Variants in GLRB observed in about 807,000 individuals in gnomAD.
GLRB encodes the protein glycine receptor beta.
A neutral mutation model predicts 54.2 loss-of-function variants in GLRB; 33 were observed. The ratio of observed to expected loss-of-function variants is 0.61; its 90% CI spans 0.46 to 0.81. The LOEUF is 0.81. Among genes scored for constraint, GLRB ranks in the 40% least tolerant of loss-of-function variants. The pLI, the probability that GLRB is intolerant of heterozygous loss-of-function variation, is 0.00. For synonymous variants in GLRB, 209 were observed against 208.2 expected, an observed-to-expected ratio of 1.00 and a Z score of -0.03; for missense variants, 572 against 584.6, an observed-to-expected ratio of 0.98 and a Z score of 0.22.
At chr4:157,169,949 C>A (rs1280367749) in intron 9 of GLRB, among the ~76,000 whole-genome samples, 1 of 152,102 alleles carries the variant, frequency 6.6e-6, no homozygotes, top group Non-Finnish European at 1.5e-5. Flanking sequence ...TAGAGAAAGT[C>A]TGTCTCATTG....
intron 7 of GLRB, 32 bp from the exon 8 acceptor site, chr4:157,143,775 C>T: frequency 1.2e-6 from 2 of 1,602,052 alleles, no homozygotes; most frequent in East Asian, 2.2e-5. Context: ...TGGGTGAAAA[C>T]CTCATGCCTT....
At chr4:157,086,424 G>A (rs1734415233) in intron 2 of GLRB, among the ~76,000 whole-genome samples, 1 of 152,130 alleles carries the variant, frequency 6.6e-6, no homozygotes. Context: ...TAATCTCATG[G>A]TGAGTATATT....
chr4:157,148,810 C>T (rs1736910780), intron 8 of GLRB, among the ~76,000 whole-genome samples: 1 of 150,714 alleles, frequency 6.6e-6, no homozygotes, highest in Non-Finnish European at 1.5e-5. Context: ...GTGTATTAGT[C>T]ATTGTTTGTT....
chr4:157,119,371 C>A (rs1579213701), intron 2 of GLRB, among the ~76,000 whole-genome samples: 1 of 151,684 alleles, frequency 6.6e-6, no homozygotes, highest in East Asian at 2.0e-4. Context: ...AATTCTTAGA[C>A]CATCTCTCTG....
chr4:157,080,018 T>G (rs1436809071), intron 2 of GLRB, among the ~76,000 whole-genome samples: 1 of 152,112 alleles, frequency 6.6e-6, no homozygotes, highest in African/African-American at 2.4e-5. Flanking sequence ...CAAATTATTC[T>G]GAAGATGGCA....
At chr4:157,096,514 A>G (rs1734817222) in intron 2 of GLRB, among the ~76,000 whole-genome samples, 1 of 152,202 alleles carries the variant, frequency 6.6e-6, no homozygotes, top group Non-Finnish European at 1.5e-5. Context: ...TTTCCAAACA[A>G]TGGTCAAGAG....
In GLRB at chr4:157,103,145, G is replaced by A. The variant is rs147064275; in HGVS notation, c.123-17411G>A. Reference sequence around the variant, plus strand: ...AGTCTGGGCAAAAGAGAGAGACTCCGTCTCAAAAAAACAAAAAAAAAAAAA... The same window carrying A: ...AGTCTGGGCAAAAGAGAGAGACTCCATCTCAAAAAAACAAAAAAAAAAAAA... On this transcript the variant is annotated intron_variant, in intron 2 of 9. Coordinates refer to ENST00000264428, the MANE Select transcript of GLRB (RefSeq NM_000824.5). 8.6e-3 allele frequency among the ~76,000 whole-genome samples: 1,238 copies of A among 143,174 alleles called. 14 individuals are homozygous for A. The highest frequency in any genetic ancestry group is 0.03 in the African/African-American group (1,141 of 38,650). 93.9% of individuals were successfully genotyped at this position (143,174 alleles called of 152,430 possible). A position where few individuals can be genotyped will look rare whatever the true frequency, so the allele number is the denominator to read the frequency against.
intron 2 of GLRB, among the ~76,000 whole-genome samples, chr4:157,085,740 A>G (rs998749884): frequency 7.2e-5 from 11 of 151,738 alleles, no homozygotes; most frequent in South Asian, 4.2e-4. Context: ...CTCGTGATCC[A>G]CCCACCTCGG....
At chr4:157,120,051 C>T (rs1735749226) in intron 2 of GLRB, among the ~76,000 whole-genome samples, 1 of 151,440 alleles carries the variant, frequency 6.6e-6, no homozygotes, top group South Asian at 2.1e-4. Context: ...TGCTATGCAG[C>T]CATAAAAAAT....
chr4:157,098,174 A>G (rs1292207545), intron 2 of GLRB, among the ~76,000 whole-genome samples: 2 of 152,170 alleles, frequency 1.3e-5, no homozygotes, highest in Admixed American at 1.3e-4. Flanking sequence ...ACTCTTTTGT[A>G]TCTAGATTCC....
At chr4:157,143,131 T>C (rs1736678401) in intron 7 of GLRB, among the ~76,000 whole-genome samples, 1 of 152,088 alleles carries the variant, frequency 6.6e-6, no homozygotes. Context: ...CATGTGAAAA[T>C]GAAAGTTATT....
intron 7 of GLRB, among the ~76,000 whole-genome samples, chr4:157,143,010 C>T (rs942952894): frequency 5.3e-5 from 8 of 152,014 alleles, no homozygotes; most frequent in Non-Finnish European, 7.4e-5. Context: ...TTTCTCAAGG[C>T]GGCAAAGGCT....
chr4:157,138,992 A>T, intron 7 of GLRB, 43 bp downstream of exon 7: 2 of 1,083,366 alleles, frequency 1.8e-6, no homozygotes, highest in Non-Finnish European at 2.8e-6. Flanking sequence ...TATTTCAAAG[A>T]TACATTTTAA....
At chr4:157,168,115 ATTTT>A in intron 9 of GLRB, among the ~76,000 whole-genome samples, 1 of 145,262 alleles carries the variant, frequency 6.9e-6, no homozygotes, top group Admixed American at 6.9e-5. Context: ...ACCAGTTCCT[ATTTT>A]TTTTTTTTTG....
At chr4:157,093,375 A>G (rs754525673) in intron 2 of GLRB, among the ~76,000 whole-genome samples, 2 of 152,190 alleles carry the variant, frequency 1.3e-5, no homozygotes, top group African/African-American at 2.4e-5. Context: ...TTTCCTTTCC[A>G]TGCTGTATGT....
chr4:157,142,346 C>A (rs1284854798), intron 7 of GLRB, among the ~76,000 whole-genome samples: 1 of 151,994 alleles, frequency 6.6e-6, no homozygotes, highest in Non-Finnish European at 1.5e-5. Flanking sequence ...ACTTGCATTT[C>A]TTGTCTTTAA....
At position 157,152,740 on chromosome 4, in the gene GLRB, G is replaced by A. The variant is rs1737071219; in HGVS notation, c.927G>A (p.Leu309=). The A allele has an allele frequency of 6.2e-7, 1 of 1,613,350 alleles. No homozygotes were observed. Among genetic ancestry groups the A allele is most frequent in the African/African-American group, 1.3e-5 (1 of 74,838 alleles). ...VPLGIFSVLS[L]ASECTTLAAE... Reference sequence around the variant, plus strand: ...TAGGTATCTTCTCAGTCCTCAGCTTGGCCTCTGAGTGCACAACCCTTGCCG... The same window carrying A: ...TAGGTATCTTCTCAGTCCTCAGCTTAGCCTCTGAGTGCACAACCCTTGCCG... Residue 309 remains leucine, a synonymous_variant, in exon 9 of 10, where the codon TTG becomes TTA. Coordinates refer to ENST00000264428, the MANE Select transcript of GLRB (RefSeq NM_000824.5).
Position 157,152,807 on chromosome 4 carries a change from T to C in GLRB, c.994T>C (p.Trp332Arg). The part of the protein sequence containing the change: ...KVSYVKALDV[W>R]LIACLLFGFA... ...TTCCTATGTGAAGGCTCTTGATGTT[T>C]GGCTTATTGCTTGCCTTCTCTTTGG... is the stretch of plus-strand genomic sequence containing the variant. Residue 332 changes from tryptophan to arginine, a missense_variant, in exon 9 of 10, where the codon TGG becomes CGG. Physicochemically the swap from Trp to Arg is moderately radical, Grantham distance 101 (BLOSUM62 -3). Coordinates refer to ENST00000264428, the MANE Select transcript of GLRB (RefSeq NM_000824.5). 1 of 1,614,046 alleles carries C rather than the reference T, an allele frequency of 6.2e-7. No individual in the cohort carries two copies.
chr4:157,109,244 T>A lies in GLRB; in HGVS notation c.123-11312T>A, dbSNP rs559314341. 1.6e-4 allele frequency among the ~76,000 whole-genome samples: 24 copies of A among 152,156 alleles called. No individual in the cohort carries two copies. In the South Asian group the frequency reaches 4.8e-3, roughly 30 times the overall value. On this transcript the variant is annotated intron_variant, in intron 2 of 9. Coordinates refer to ENST00000264428, the MANE Select transcript of GLRB (RefSeq NM_000824.5). ...TCTGGAGAAACTGGACTAATACAAT[T>A]TGTGTGTATTACTTTAGTTTTATCT...
Sources: allele counts gnomAD v4.1 joint callset (sites outside exome capture counted in the v4.1 genomes callset), GRCh38; gene constraint gnomAD v4.1.1; transcripts MANE v1.5; gene names NCBI Gene and HGNC (gene_info 2026-07-23, HGNC 2026-07-21).